PKHD1: variants seen among roughly 807,000 people sequenced by gnomAD.
The protein encoded by PKHD1 is fibrocystin.
Under a neutral mutation model 412.0 loss-of-function variants are expected in PKHD1, and 291 were observed. That is an observed-to-expected ratio of 0.71 (90% CI 0.64 to 0.78). PKHD1 has a LOEUF of 0.78. Ranked by LOEUF, PKHD1 falls within the 30% of genes least tolerant of loss-of-function variation. The pLI is 0.00. For missense variants in PKHD1, 4,825 were observed against 4,950.7 expected, an observed-to-expected ratio of 0.97 and a Z score of 0.76; for synonymous variants, 1,777 against 1,821.5, an observed-to-expected ratio of 0.98 and a Z score of 0.62.
At chr6:51,920,780 A>G (rs962210103) in intron 37 of PKHD1, among the ~76,000 whole-genome samples, 3 of 152,182 alleles carry the variant, frequency 2.0e-5, no homozygotes, top group Non-Finnish European at 4.4e-5. Context: ...TAAGCTATTA[A>G]TTATTGCCTC....
intron 52 of PKHD1, among the ~76,000 whole-genome samples, chr6:51,802,436 C>T (rs1763072830): frequency 6.6e-6 from 1 of 151,488 alleles, no homozygotes; most frequent in Non-Finnish European, 1.5e-5. Flanking sequence ...AAATCCCTCT[C>T]CAATCCTGTA....
At position 52,058,189 on chromosome 6, in the gene PKHD1, A is replaced by AG. The variant is rs1808077801; in HGVS notation, c.1512+133dup. On this transcript the variant is annotated intron_variant, in intron 16 of 66. Transcript: ENST00000371117. ...GTAAACATCTTCACAATGCTGTTAA[A>AG]GAGATATCCTATTTCTTTGACAGCA... The AG allele has an allele frequency of 3.8e-6, 3 of 793,440 alleles. No individual in the cohort carries two copies. The African/African-American group carries it at 5.1e-5, about 13-fold the overall frequency. 49.1% of individuals were successfully genotyped at this position (793,440 alleles called of 1,614,324 possible). A position where few individuals can be genotyped will look rare whatever the true frequency, so the allele number is the denominator to read the frequency against.
intron 46 of PKHD1, among the ~76,000 whole-genome samples, chr6:51,871,988 T>C (rs1242383926): frequency 1.9e-5 from 1 of 51,494 alleles, no homozygotes; most frequent in African/African-American, 5.0e-5. Context: ...ATGAAACAAA[T>C]AGAAGCCTAA....
At chr6:51,693,794 A>G (rs919147206) in intron 60 of PKHD1, among the ~76,000 whole-genome samples, 2 of 152,198 alleles carry the variant, frequency 1.3e-5, no homozygotes, top group Non-Finnish European at 2.9e-5. Flanking sequence ...CAATGAGACA[A>G]CTGCTGTTTT....
chr6:51,977,682 T>C (rs997226553), intron 35 of PKHD1, among the ~76,000 whole-genome samples: 6 of 151,702 alleles, frequency 4.0e-5, no homozygotes, highest in Non-Finnish European at 7.4e-5. Context: ...CTAAGCCAGC[T>C]CCACTACCTA....
intron 43 of PKHD1, among the ~76,000 whole-genome samples, chr6:51,893,030 A>G (rs1231818008): frequency 3.3e-5 from 5 of 152,188 alleles, no homozygotes; most frequent in African/African-American, 9.7e-5. Context: ...CTCTATATCC[A>G]CGAGCCTTGG....
At chr6:51,853,198 T>C (rs543729522) in intron 49 of PKHD1, among the ~76,000 whole-genome samples, 78 of 152,342 alleles carry the variant, frequency 5.1e-4, no homozygotes, top group African/African-American at 1.8e-3. Context: ...AATTCTGGGT[T>C]GAAAATTCTT....
chr6:51,682,675 G>A (rs1203335536), intron 60 of PKHD1, among the ~76,000 whole-genome samples: 1 of 152,008 alleles, frequency 6.6e-6, no homozygotes, highest in African/African-American at 2.4e-5. Context: ...GCTTTTTGGA[G>A]GCAGAAAGTG....
At chr6:51,862,572 AT>A in intron 48 of PKHD1, among the ~76,000 whole-genome samples, 1 of 152,178 alleles carries the variant, frequency 6.6e-6, no homozygotes. Flanking sequence ...CAAAATTTCC[AT>A]TTGAACTCTT....
At chr6:51,729,431 AT>A (rs1782980470) in intron 60 of PKHD1, among the ~76,000 whole-genome samples, 2 of 152,128 alleles carry the variant, frequency 1.3e-5, no homozygotes, top group East Asian at 1.9e-4. Context: ...ATACATACAC[AT>A]TTTTTTAATG....
intron 50 of PKHD1, among the ~76,000 whole-genome samples, chr6:51,841,408 CTCCTT>C (rs959212431): frequency 4.0e-5 from 6 of 151,872 alleles, no homozygotes; most frequent in African/African-American, 1.4e-4. Context: ...CTCCTCTCCT[CTCCTT>C]TCCTTCCTTT....
intron 55 of PKHD1, among the ~76,000 whole-genome samples, chr6:51,767,900 C>T (rs1037958687): frequency 6.6e-6 from 1 of 152,144 alleles, no homozygotes; most frequent in Non-Finnish European, 1.5e-5. Context: ...ACACTGACTT[C>T]CACAATGGTT....
intron 35 of PKHD1, among the ~76,000 whole-genome samples, chr6:51,962,772 T>C (rs930507964): frequency 1.3e-5 from 2 of 152,066 alleles, no homozygotes; most frequent in African/African-American, 4.8e-5. Context: ...TCTGCTCAGG[T>C]ATCACCTCCT....
intron 60 of PKHD1, among the ~76,000 whole-genome samples, chr6:51,718,351 C>T (rs1781508780): frequency 6.6e-6 from 1 of 152,156 alleles, no homozygotes; most frequent in Non-Finnish European, 1.5e-5. Flanking sequence ...CTCCTGTGTC[C>T]TAGAAACCTT....
At chr6:52,071,288 C>T (rs545972305) in intron 8 of PKHD1, among the ~76,000 whole-genome samples, 2 of 151,482 alleles carry the variant, frequency 1.3e-5, no homozygotes, top group Admixed American at 6.6e-5. Flanking sequence ...TAAGCATTTG[C>T]CCTAGTGCTA....
At chr6:51,901,071 G>A (rs9395743) in intron 43 of PKHD1, among the ~76,000 whole-genome samples, 21 of 151,364 alleles carry the variant, frequency 1.4e-4, no homozygotes, top group African/African-American at 4.6e-4. Flanking sequence ...CTGTTGGTGG[G>A]ACTGTAAACT....
Position 51,885,903 on chromosome 6 carries a change from C to G in PKHD1, c.7179G>C (p.Gln2393His). 1 of 1,613,358 alleles carries G rather than the reference C, an allele frequency of 6.2e-7. No homozygotes were observed. Among genetic ancestry groups the G allele is most frequent in the East Asian group, 2.2e-5 (1 of 44,880 alleles). The change falls in exon 45 of 67, where the codon CAG becomes CAC. Residue 2393 changes from glutamine (Q) to histidine (H), a missense_variant. By Grantham distance (24) the Gln-to-His change is conservative. Coordinates refer to ENST00000371117, the MANE Select transcript of PKHD1 (RefSeq NM_138694.4). ...CTGCACTTTCCCAAACTGTGAAGCT[C>G]TGGAACAGAGTGGTGCCAGTGACAT... The part of the protein sequence containing the change: ...WDNVTGTTLF[Q>H]SFTVWESAGG...
intron 60 of PKHD1, among the ~76,000 whole-genome samples, chr6:51,708,505 T>G (rs919608824): frequency 6.6e-6 from 1 of 152,216 alleles, no homozygotes; most frequent in Admixed American, 6.5e-5. Context: ...TTACTGCCCT[T>G]AGAATCAAGT....
intron 60 of PKHD1, among the ~76,000 whole-genome samples, chr6:51,683,555 G>T (rs1329037731): frequency 2.6e-5 from 4 of 152,038 alleles, no homozygotes. Context: ...ATAAGCAGCT[G>T]TGTACTATGG....
Sources: allele counts gnomAD v4.1 joint callset (sites outside exome capture counted in the v4.1 genomes callset), GRCh38; gene constraint gnomAD v4.1.1; transcripts MANE v1.5; gene names NCBI Gene and HGNC (gene_info 2026-07-23, HGNC 2026-07-21).